FGFR2: variants seen among roughly 807,000 people sequenced by gnomAD.
FGFR2 encodes the protein fibroblast growth factor receptor 2.
A neutral mutation model predicts 95.9 loss-of-function variants in FGFR2; 19 were observed. The ratio of observed to expected loss-of-function variants is 0.20; its 90% CI spans 0.14 to 0.29. The LOEUF (loss-of-function observed/expected upper bound fraction) is 0.29. Ranked by LOEUF, FGFR2 falls within the 10% of genes least tolerant of loss-of-function variation. The pLI is 1.00. For missense variants in FGFR2, 707 were observed against 1,056.9 expected (o/e 0.67, Z 4.59); for synonymous variants, 392 against 393.3 (o/e 1.00, Z 0.04).
chr10:121,539,134 AT>A (rs1356205429), intron 5 of FGFR2, among the ~76,000 whole-genome samples: 1 of 152,186 alleles, frequency 6.6e-6, no homozygotes, highest in African/African-American at 2.4e-5. Context: ...TAGAACTAAC[AT>A]TTATAGTGAG....
intron 16 of FGFR2, among the ~76,000 whole-genome samples, chr10:121,484,426 GA>G (rs978401627): frequency 4.6e-5 from 7 of 151,586 alleles, no homozygotes; most frequent in Admixed American, 1.3e-4. Flanking sequence ...CGTTACAAAA[GA>G]AAAAAAACAA....
Position 121,503,886 on chromosome 10 carries a change from G to A in FGFR2, c.1343C>T (p.Thr448Ile), listed in dbSNP as rs1847924464. 1 of 1,614,026 alleles carries A rather than the reference G, an allele frequency of 6.2e-7. No homozygotes were observed. The highest frequency in any genetic ancestry group is 1.3e-5 in the African/African-American group (1 of 74,910). Residue 448 changes from threonine to isoleucine, a missense_variant, in exon 10 of 18, where the codon ACA (threonine) becomes ATA (isoleucine). Thr to Ile is a moderately conservative substitution (Grantham distance 89). This residue lies in a region of FGFR2 where 194 missense variants were observed against 267.3 expected (regional missense o/e 0.73). Transcript: ENST00000358487. ...GTCTGCCGTTGAAGAGAGGCGTGTT[G>A]TTATCCTCACCAGCGGGGTGTTGGA... ...MNSNTPLVRI[T>I]TRLSSTADTP...
intron 17 of FGFR2, 75 bp from the exon 18 acceptor site, chr10:121,480,096 A>AC: frequency 7.4e-7 from 1 of 1,357,208 alleles, no homozygotes. Context: ...CGAGAGGCTG[A>AC]CTGAGGTCCA....
Position 121,551,567 on chromosome 10 carries a change from T to C in FGFR2, c.455-108A>G, listed in dbSNP as rs563574625. 67 of 1,032,366 alleles carry C rather than the reference T, an allele frequency of 6.5e-5. 1 individual carries two copies. The African/African-American group carries it at 8.4e-4, about 13-fold the overall frequency. The allele number at this position is 1,032,366 out of a possible 1,614,324, so 64.0% of individuals were successfully genotyped here. On this transcript the variant is annotated intron_variant, in intron 4 of 17. Coordinates refer to ENST00000358487, the MANE Select transcript of FGFR2 (RefSeq NM_000141.5). ...CGCTTTGCATGTAAATGCTAGGCTA[T>C]TTTTTAAATCTTTGGGTAATATTTA...
chr10:121,501,783 C>A (rs145100416), intron 10 of FGFR2, among the ~76,000 whole-genome samples: 1 of 152,134 alleles, frequency 6.6e-6, no homozygotes, highest in African/African-American at 2.4e-5. Flanking sequence ...CTAAGGGCAG[C>A]ATGTGCTATG....
chr10:121,481,905 C>T (rs185651231), intron 17 of FGFR2: 49 of 256,632 alleles, frequency 1.9e-4, no homozygotes, highest in Admixed American at 1.6e-4. Context: ...GGCATGATCT[C>T]GGCTCACTGC....
In FGFR2 at chr10:121,518,885, T is replaced by C. The variant is rs1369316574; in HGVS notation, c.939+1094A>G. On this transcript the variant is annotated intron_variant, in intron 7 of 17. Coordinates refer to ENST00000358487, the MANE Select transcript of FGFR2 (RefSeq NM_000141.5). The surrounding 1 kb of genome is among the most constrained non-coding windows in gnomAD (Gnocchi z 4.0). Reference sequence around the variant, plus strand: ...GCCAACCAGGAAGGTCTTAGCATTGTCTATGGTCCCACCACCAACACACCG... The same window carrying C: ...GCCAACCAGGAAGGTCTTAGCATTGCCTATGGTCCCACCACCAACACACCG... The C allele has an allele frequency of 3.1e-6, 5 of 1,607,682 alleles. No homozygotes were observed. Among genetic ancestry groups the C allele is most frequent in the Non-Finnish European group, 4.3e-6 (5 of 1,174,742 alleles).
intron 2 of FGFR2, among the ~76,000 whole-genome samples, chr10:121,575,321 G>A (rs927139452): frequency 1.3e-5 from 2 of 152,084 alleles, no homozygotes; most frequent in Non-Finnish European, 2.9e-5. Flanking sequence ...GTGGAAATCC[G>A]CACTCCCTGT....
chr10:121,584,094 C>A (rs1422964673), intron 2 of FGFR2, among the ~76,000 whole-genome samples: 1 of 152,012 alleles, frequency 6.6e-6, no homozygotes, highest in Non-Finnish European at 1.5e-5. Flanking sequence ...CATACTGCCC[C>A]TACTTCATAG....
chr10:121,523,442 C>T (rs1850844992), intron 6 of FGFR2, among the ~76,000 whole-genome samples: 1 of 152,154 alleles, frequency 6.6e-6, no homozygotes, highest in South Asian at 2.1e-4. Context: ...TGATTTAATC[C>T]CAGCTGGCCT....
intron 6 of FGFR2, 43 bp downstream of exon 6, chr10:121,538,549 A>G (rs2134598176): frequency 1.9e-6 from 3 of 1,614,134 alleles, no homozygotes; most frequent in Non-Finnish European, 2.5e-6. Flanking sequence ...TCAAGCAAGA[A>G]TGGGCTGGTA....
intron 11 of FGFR2, 98 bp downstream of exon 11, chr10:121,500,728 G>T (rs2134001762): frequency 6.5e-7 from 1 of 1,539,294 alleles, no homozygotes; most frequent in Non-Finnish European, 8.9e-7. Context: ...TGTGCTCTCT[G>T]ACCCCGTGCC....
At chr10:121,594,912 G>A (rs1668152526) in intron 1 of FGFR2, among the ~76,000 whole-genome samples, 1 of 152,222 alleles carries the variant, frequency 6.6e-6, no homozygotes, top group Non-Finnish European at 1.5e-5. Flanking sequence ...TAAGTTAGAA[G>A]AGGACACTCA....
chr10:121,518,117 C>A lies in FGFR2; in HGVS notation c.940-654G>T. 2.3e-6 allele frequency: 1 copy of A among 443,740 alleles called. No individual in the cohort carries two copies. Among genetic ancestry groups the A allele is most frequent in the East Asian group, 5.9e-5 (1 of 16,904 alleles). The allele number at this position is 443,740 out of a possible 1,614,324, so 27.5% of individuals were successfully genotyped here. A position where few individuals can be genotyped will look rare whatever the true frequency, so the allele number is the denominator to read the frequency against. On this transcript the variant is annotated intron_variant, in intron 7 of 17. Transcript: ENST00000358487. This position sits in a 1 kb window ranked among gnomAD's most constrained non-coding sequence, Gnocchi z 4.0. ...CATTTGGATGTGAGTCATGACAAAC[C>A]TAAAAAGTCAACCTTTTGCCTTTAG... is the stretch of plus-strand genomic sequence containing the variant.
chr10:121,515,065 T>C, intron 9 of FGFR2, 52 bp downstream of exon 9: 1 of 1,559,916 alleles, frequency 6.4e-7, no homozygotes. Context: ...ATCCACAAGC[T>C]GGCTGGGTCA....
chr10:121,497,816 C>A (rs1476216953), intron 12 of FGFR2, among the ~76,000 whole-genome samples: 2 of 152,152 alleles, frequency 1.3e-5, no homozygotes, highest in Non-Finnish European at 2.9e-5. Context: ...CGAGAAGTTG[C>A]GACAAAGACC....
At chr10:121,483,440 C>T (rs1845018069) in intron 17 of FGFR2, among the ~76,000 whole-genome samples, 1 of 152,234 alleles carries the variant, frequency 6.6e-6, no homozygotes, top group Non-Finnish European at 1.5e-5. Flanking sequence ...CCGGACTGCT[C>T]CACCAGCAGC....
At chr10:121,532,833 A>T (rs934622394) in intron 6 of FGFR2, among the ~76,000 whole-genome samples, 9 of 151,956 alleles carry the variant, frequency 5.9e-5, no homozygotes, top group Admixed American at 5.2e-4. Context: ...CTGAGGGGGG[A>T]CTTCGCTCTG....
intron 13 of FGFR2, 53 bp downstream of exon 13, chr10:121,496,479 A>G (rs537251015): frequency 1.9e-6 from 3 of 1,577,354 alleles, no homozygotes; most frequent in East Asian, 2.2e-5. Context: ...TGTTTTCTTT[A>G]AAGACATTTT....
Sources: allele counts gnomAD v4.1 joint callset (sites outside exome capture counted in the v4.1 genomes callset), GRCh38; gene constraint gnomAD v4.1.1; regional missense constraint gnomAD v4.1.1; non-coding constraint Gnocchi (gnomAD v3.1); transcripts MANE v1.5; gene names NCBI Gene and HGNC (gene_info 2026-07-23, HGNC 2026-07-21).